Variants in MDGA2 observed in about 807,000 individuals in gnomAD.
MDGA2 encodes MAM domain containing glycosylphosphatidylinositol anchor 2.
In MDGA2, 40 loss-of-function variants were observed where a neutral mutation model predicts 117.8. The ratio of observed to expected loss-of-function variants is 0.34; its 90% CI spans 0.26 to 0.44. The LOEUF (loss-of-function observed/expected upper bound fraction) is 0.44, where lower values mean the gene tolerates loss of function less well. Among genes scored for constraint, MDGA2 ranks in the 20% least tolerant of loss-of-function variants. MDGA2 has a pLI of 1.00. For missense variants in MDGA2, 1,123 were observed against 1,250.6 expected, an observed-to-expected ratio of 0.90 and a Z score of 1.54; for synonymous variants, 452 against 439.0, an observed-to-expected ratio of 1.03 and a Z score of -0.37.
intron 1 of MDGA2, among the ~76,000 whole-genome samples, chr14:47,335,743 T>TA (rs1267217900): frequency 3.5e-4 from 23 of 65,996 alleles, no homozygotes; most frequent in African/African-American, 1.0e-3. Flanking sequence ...TTTATATATA[T>TA]ATATACATAC....
intron 1 of MDGA2, among the ~76,000 whole-genome samples, chr14:47,381,748 G>C (rs1182377781): frequency 6.6e-6 from 1 of 152,096 alleles, no homozygotes; most frequent in Admixed American, 6.6e-5. Flanking sequence ...CATGCTCATG[G>C]GTACGAAGAA....
chr14:46,925,631 C>CAAAAA (rs34889177), intron 9 of MDGA2, among the ~76,000 whole-genome samples: 2 of 64,602 alleles, frequency 3.1e-5, no homozygotes, highest in Non-Finnish European at 5.9e-5. Context: ...GACTCTACCT[C>CAAAAA]AAAAAAAAAA....
intron 1 of MDGA2, among the ~76,000 whole-genome samples, chr14:47,574,491 T>C (rs974300834): frequency 6.6e-6 from 1 of 152,194 alleles, no homozygotes; most frequent in Non-Finnish European, 1.5e-5. Context: ...AATACAATTT[T>C]CAAATATTCT....
chr14:46,990,866 CCACACACACACACACACACACA>C, intron 8 of MDGA2, among the ~76,000 whole-genome samples: 1 of 140,898 alleles, frequency 7.1e-6, no homozygotes, highest in East Asian at 2.0e-4. Flanking sequence ...ACACACACAC[CCACACACACACACACACACACA>C]CACACACACA....
intron 1 of MDGA2, among the ~76,000 whole-genome samples, chr14:47,414,630 A>G (rs1344214977): frequency 6.6e-6 from 1 of 152,154 alleles, no homozygotes; most frequent in Non-Finnish European, 1.5e-5. Flanking sequence ...CAAAAATGCT[A>G]ACATACATTG....
intron 12 of MDGA2, among the ~76,000 whole-genome samples, chr14:46,875,569 C>A (rs1331240755): frequency 4.6e-5 from 7 of 151,544 alleles, no homozygotes; most frequent in Non-Finnish European, 1.0e-4. Context: ...ATGTCACAGA[C>A]CTTGTACCAA....
chr14:47,412,688 G>C (rs913464343), intron 1 of MDGA2, among the ~76,000 whole-genome samples: 5 of 152,206 alleles, frequency 3.3e-5, no homozygotes, highest in African/African-American at 1.2e-4. Context: ...TACAGAGGGA[G>C]GGAGAGGCTG....
intron 11 of MDGA2, among the ~76,000 whole-genome samples, chr14:46,878,259 A>T (rs909435504): frequency 1.3e-5 from 2 of 151,954 alleles, no homozygotes; most frequent in African/African-American, 2.4e-5. Context: ...AATATCTCTC[A>T]TCTAAGGGCC....
At chr14:47,375,758 A>C (rs986950643) in intron 1 of MDGA2, among the ~76,000 whole-genome samples, 6 of 152,094 alleles carry the variant, frequency 3.9e-5, no homozygotes, top group Non-Finnish European at 5.9e-5. Flanking sequence ...TTTAGAGTTT[A>C]CAATGTAACT....
intron 1 of MDGA2, among the ~76,000 whole-genome samples, chr14:47,413,645 T>C (rs1005303111): frequency 6.7e-6 from 1 of 150,048 alleles, no homozygotes; most frequent in African/African-American, 2.5e-5. Context: ...CTTGATGCTA[T>C]ATTTATTATA....
At chr14:47,245,098 C>T (rs2139620092) in intron 2 of MDGA2, among the ~76,000 whole-genome samples, 1 of 151,846 alleles carries the variant, frequency 6.6e-6, no homozygotes, top group South Asian at 2.1e-4. Context: ...ACATGGCTCA[C>T]TGCAGCCTTG....
At chr14:47,270,288 T>C (rs1383998450) in intron 2 of MDGA2, among the ~76,000 whole-genome samples, 2 of 152,150 alleles carry the variant, frequency 1.3e-5, no homozygotes, top group African/African-American at 4.8e-5. Context: ...AATTTTCTAC[T>C]GCGTGTATGT....
At chr14:47,365,047 A>T (rs967294046) in intron 1 of MDGA2, among the ~76,000 whole-genome samples, 1 of 152,218 alleles carries the variant, frequency 6.6e-6, no homozygotes, top group Non-Finnish European at 1.5e-5. Context: ...GTACAAAATA[A>T]AGTTCCTTTG....
chr14:47,504,733 T>C (rs1894475169), intron 1 of MDGA2, among the ~76,000 whole-genome samples: 2 of 152,152 alleles, frequency 1.3e-5, no homozygotes, highest in Non-Finnish European at 1.5e-5. Context: ...ACAAACTGTT[T>C]ATACTGTTCG....
chr14:46,865,417 A>C (rs1447954058), intron 14 of MDGA2, among the ~76,000 whole-genome samples: 1 of 152,138 alleles, frequency 6.6e-6, no homozygotes, highest in African/African-American at 2.4e-5. Flanking sequence ...ATCTATGACA[A>C]ACCCACAGCC....
chr14:47,445,040 T>C (rs1893092801), intron 1 of MDGA2, among the ~76,000 whole-genome samples: 1 of 152,258 alleles, frequency 6.6e-6, no homozygotes, highest in Middle Eastern at 3.4e-3. Flanking sequence ...GAGGTGAGAC[T>C]CTGTAGGATA....
At chr14:47,298,359 G>GA (rs1439071467) in intron 2 of MDGA2, among the ~76,000 whole-genome samples, 3 of 152,054 alleles carry the variant, frequency 2.0e-5, no homozygotes, top group South Asian at 4.1e-4. Flanking sequence ...AAAGAGGCTA[G>GA]AAAAAATGCT....
In MDGA2 at chr14:47,127,799, A is replaced by AT. The variant is rs961901042; in HGVS notation, c.925+3914dup. On this transcript the variant is annotated intron_variant, in intron 5 of 16. Coordinates refer to ENST00000399232, the MANE Select transcript of MDGA2 (RefSeq NM_001113498.3). Reference sequence around the variant, plus strand: ...ATTCAAAGACTGTTTTCTAAGCCAAATTTTTTTTTTTAATAATCACAGAAA... The same window carrying AT: ...ATTCAAAGACTGTTTTCTAAGCCAAATTTTTTTTTTTTAATAATCACAGAAA... Among the ~76,000 whole-genome samples the AT allele has an allele frequency of 1.2e-3, 185 of 148,970 alleles. 2 individuals are homozygous for AT. The highest frequency in any genetic ancestry group is 4.0e-3 in the African/African-American group (165 of 40,890).
intron 1 of MDGA2, among the ~76,000 whole-genome samples, chr14:47,576,862 C>T (rs1192170484): frequency 1.3e-5 from 2 of 152,162 alleles, no homozygotes; most frequent in Non-Finnish European, 2.9e-5. Flanking sequence ...AATCCTCCTG[C>T]CTCAGCCTCC....
Sources: allele counts gnomAD v4.1 joint callset (sites outside exome capture counted in the v4.1 genomes callset), GRCh38; gene constraint gnomAD v4.1.1; transcripts MANE v1.5; gene names NCBI Gene and HGNC (gene_info 2026-07-23, HGNC 2026-07-21).